Variants in NRG3 observed in about 807,000 individuals in gnomAD.
NRG3 encodes the protein neuregulin 3.
A neutral mutation model predicts 66.9 loss-of-function variants in NRG3; 31 were observed. The ratio of observed to expected loss-of-function variants is 0.46; its 90% CI spans 0.35 to 0.63. The LOEUF is 0.63. Among genes scored for constraint, NRG3 ranks in the 20% least tolerant of loss-of-function variants. The pLI, the probability that NRG3 is intolerant of heterozygous loss-of-function variation, is 0.00. For missense variants in NRG3, 910 were observed against 878.9 expected (o/e 1.04, Z -0.45); for synonymous variants, 393 against 359.4 (o/e 1.09, Z -1.06).
chr10:82,967,336 CA>C (rs1231535376), intron 6 of NRG3, among the ~76,000 whole-genome samples: 5 of 152,032 alleles, frequency 3.3e-5, no homozygotes, highest in Admixed American at 1.3e-4. Flanking sequence ...TGTCTACCCC[CA>C]AATCTAATCC....
chr10:82,422,137 T>C (rs902179101), intron 2 of NRG3, among the ~76,000 whole-genome samples: 1 of 152,094 alleles, frequency 6.6e-6, no homozygotes, highest in Admixed American at 6.6e-5. Flanking sequence ...GTTTAAGCTT[T>C]GTGGATGTGG....
chr10:82,007,474 T>A (rs2061419015), intron 1 of NRG3, among the ~76,000 whole-genome samples: 1 of 152,176 alleles, frequency 6.6e-6, no homozygotes, highest in Non-Finnish European at 1.5e-5. Context: ...CCCAAAGTGC[T>A]GGGATTACAG....
intron 3 of NRG3, among the ~76,000 whole-genome samples, chr10:82,793,984 A>G (rs2060694547): frequency 6.6e-6 from 1 of 152,166 alleles, no homozygotes; most frequent in East Asian, 1.9e-4. Context: ...TGTAACCTTT[A>G]GCTACCACTG....
chr10:82,360,609 G>A (rs2084070779), intron 2 of NRG3, among the ~76,000 whole-genome samples: 1 of 152,152 alleles, frequency 6.6e-6, no homozygotes, highest in Non-Finnish European at 1.5e-5. Flanking sequence ...TGGCTATGCT[G>A]TATTCTTCAT....
At chr10:82,258,759 T>A (rs1462112012) in intron 1 of NRG3, among the ~76,000 whole-genome samples, 1 of 152,176 alleles carries the variant, frequency 6.6e-6, no homozygotes, top group Non-Finnish European at 1.5e-5. Context: ...CTTCAAAGTT[T>A]AGATGAGGAA....
chr10:82,156,813 T>C (rs1020981021), intron 1 of NRG3, among the ~76,000 whole-genome samples: 1 of 151,660 alleles, frequency 6.6e-6, no homozygotes, highest in Non-Finnish European at 1.5e-5. Context: ...GGTATGATTA[T>C]CAGCATGAAG....
chr10:82,698,444 A>T (rs1428425895), intron 2 of NRG3, among the ~76,000 whole-genome samples: 1 of 152,216 alleles, frequency 6.6e-6, no homozygotes, highest in Non-Finnish European at 1.5e-5. Flanking sequence ...AATCCAAAAG[A>T]TTAAATAATA....
chr10:82,412,607 A>T (rs112756117), intron 2 of NRG3, among the ~76,000 whole-genome samples: 222 of 152,280 alleles, frequency 1.5e-3, no homozygotes, highest in African/African-American at 5.0e-3. Flanking sequence ...TAAGACAACA[A>T]TGAAGTTTAC....
chr10:82,947,084 C>T (rs569720018), intron 4 of NRG3, among the ~76,000 whole-genome samples: 1 of 152,236 alleles, frequency 6.6e-6, no homozygotes, highest in African/African-American at 2.4e-5. Flanking sequence ...CCAAAAGTTT[C>T]CCCACATCAA....
rs765058089 is a variant in NRG3 at position 82,898,715 on chromosome 10, CTTTT to C, written c.1054+33299_1054+33302del. 4.5e-5 allele frequency among the ~76,000 whole-genome samples: 4 copies of C among 89,396 alleles called. No individual in the cohort carries two copies. The Admixed American group carries it at 5.5e-4, about 12-fold the overall frequency. The allele number at this position is 89,396 out of a possible 152,430, so 58.6% of individuals were successfully genotyped here. A position where few individuals can be genotyped will look rare whatever the true frequency, so the allele number is the denominator to read the frequency against. On this transcript the variant is annotated intron_variant, in intron 4 of 8. Transcript: ENST00000372141. ...CTGAATAGAAGGCCAGGAGTTTTAC[CTTTT>C]TTTTTTTTTTTTTTTTTTTTGAGAC...
At position 82,723,568 on chromosome 10, in the gene NRG3, A is replaced by G. The variant is rs2057425469; in HGVS notation, c.954-15009A>G. On this transcript the variant is annotated intron_variant, in intron 2 of 8. Coordinates refer to ENST00000372141, the MANE Select transcript of NRG3 (RefSeq NM_001010848.4). ...TGAAATGATAAAACATTTTGCCAAT[A>G]AAAGTAATTTTAACTTGGAAAAAAA... Among the ~76,000 whole-genome samples the G allele has an allele frequency of 4.6e-5, 7 of 152,272 alleles. No individual in the cohort carries two copies. In the South Asian group the frequency reaches 1.4e-3, roughly 31 times the overall value.
intron 3 of NRG3, among the ~76,000 whole-genome samples, chr10:82,850,702 T>C (rs1008621116): frequency 7.7e-6 from 1 of 129,342 alleles, no homozygotes; most frequent in Non-Finnish European, 1.5e-5. Flanking sequence ...AGACTCCAAA[T>C]TTTTTAAGAG....
intron 1 of NRG3, among the ~76,000 whole-genome samples, chr10:82,314,982 A>G (rs2081221300): frequency 6.6e-6 from 1 of 152,098 alleles, no homozygotes; most frequent in Non-Finnish European, 1.5e-5. Context: ...AAATTTGACA[A>G]TCTCTAGCTG....
chr10:82,495,609 G>A (rs1590345960), intron 2 of NRG3, among the ~76,000 whole-genome samples: 1 of 151,936 alleles, frequency 6.6e-6, no homozygotes, highest in South Asian at 2.1e-4. Flanking sequence ...TAGACTTTGT[G>A]GAATATCCTT....
At chr10:82,379,076 T>G (rs528076698) in intron 2 of NRG3, among the ~76,000 whole-genome samples, 1 of 152,276 alleles carries the variant, frequency 6.6e-6, no homozygotes, top group African/African-American at 2.4e-5. Context: ...TGATAAGTGA[T>G]GGACTGCACC....
intron 3 of NRG3, among the ~76,000 whole-genome samples, chr10:82,768,592 A>C (rs1171154596): frequency 6.6e-6 from 1 of 152,170 alleles, no homozygotes; most frequent in Non-Finnish European, 1.5e-5. Flanking sequence ...TCATCTCTTC[A>C]AGAAAACAGA....
chr10:82,277,442 G>A (rs995235726), intron 1 of NRG3, among the ~76,000 whole-genome samples: 1 of 151,986 alleles, frequency 6.6e-6, no homozygotes, highest in Non-Finnish European at 1.5e-5. Flanking sequence ...GATAATTCAG[G>A]CATTGACATA....
At chr10:81,901,781 AAT>A (rs1253295809) in intron 1 of NRG3, among the ~76,000 whole-genome samples, 2 of 152,332 alleles carry the variant, frequency 1.3e-5, no homozygotes, top group South Asian at 2.1e-4. Flanking sequence ...GAGAAACTTA[AAT>A]ATAGTTAACT....
chr10:82,573,738 G>T (rs1023174067), intron 2 of NRG3, among the ~76,000 whole-genome samples: 5 of 151,756 alleles, frequency 3.3e-5, no homozygotes, highest in African/African-American at 9.7e-5. Flanking sequence ...CTGCTGGTCT[G>T]CATGGCTGTT....
Sources: gnomAD v4.1 joint callset for allele counts (sites outside exome capture counted in the v4.1 genomes callset) on GRCh38, gnomAD v4.1.1 for gene constraint, MANE v1.5 for transcripts, NCBI Gene and HGNC (gene_info 2026-07-23, HGNC 2026-07-21) for gene names.